The following TASP1 variants were observed in gnomAD, a reference collection of about 807,000 sequenced individuals.
TASP1 encodes taspase 1, also known as threonine aspartase 1.
Under a neutral mutation model 56.6 loss-of-function variants are expected in TASP1, and 16 were observed. That is an observed-to-expected ratio of 0.28 (90% CI 0.19 to 0.43). The LOEUF is 0.43. Ranked by LOEUF, TASP1 falls within the 20% of genes least tolerant of loss-of-function variation. TASP1 has a pLI of 1.00. For missense variants in TASP1, 393 were observed against 511.6 expected, an observed-to-expected ratio of 0.77 and a Z score of 2.24; for synonymous variants, 179 against 184.2, an observed-to-expected ratio of 0.97 and a Z score of 0.23.
chr20:13,257,376 G>A, the TASP1 span, among the ~76,000 whole-genome samples: 118 of 152,204 alleles, frequency 7.8e-4, no homozygotes, highest in African/African-American at 2.7e-3. Flanking sequence ...AATTAGCCAA[G>A]CGTGGTGGTG....
the TASP1 span, among the ~76,000 whole-genome samples, chr20:13,322,552 T>A: frequency 2.0e-5 from 3 of 152,154 alleles, no homozygotes; most frequent in Admixed American, 6.5e-5. Flanking sequence ...TCTAAACAAC[T>A]TAAGAAGATT....
At chr20:13,494,207 C>T (rs1413708959) in intron 10 of TASP1, among the ~76,000 whole-genome samples, 1 of 152,220 alleles carries the variant, frequency 6.6e-6, no homozygotes, top group African/African-American at 2.4e-5. Flanking sequence ...GGAGAACCAG[C>T]TCTGGCTGTA....
chr20:13,528,726 GA>G (rs1210571267), intron 9 of TASP1, among the ~76,000 whole-genome samples: 2 of 152,086 alleles, frequency 1.3e-5, no homozygotes, highest in African/African-American at 4.8e-5. Flanking sequence ...AAAACTTTCA[GA>G]AAATAGCAAA....
chr20:13,400,736 C>G (rs1018799743), intron 13 of TASP1, among the ~76,000 whole-genome samples: 5 of 152,158 alleles, frequency 3.3e-5, no homozygotes, highest in African/African-American at 1.2e-4. Flanking sequence ...ATAGAGAGAA[C>G]AGCGCAACCA....
intron 11 of TASP1, among the ~76,000 whole-genome samples, chr20:13,462,111 A>C (rs2044075761): frequency 1.3e-5 from 2 of 152,114 alleles, no homozygotes; most frequent in Non-Finnish European, 2.9e-5. Context: ...AAAAAAATAA[A>C]TCTCTCTGGT....
intron 11 of TASP1, among the ~76,000 whole-genome samples, chr20:13,464,465 T>A (rs2044171728): frequency 6.6e-6 from 1 of 152,166 alleles, no homozygotes; most frequent in African/African-American, 2.4e-5. Context: ...TGGTACTTTG[T>A]TATGGTAGCC....
the TASP1 span, among the ~76,000 whole-genome samples, chr20:13,111,715 G>T: frequency 6.6e-6 from 1 of 152,168 alleles, no homozygotes; most frequent in Non-Finnish European, 1.5e-5. Context: ...GCCTAGATTC[G>T]TGGGAACACA....
the TASP1 span, among the ~76,000 whole-genome samples, chr20:13,275,926 G>T: frequency 2.6e-5 from 4 of 152,320 alleles, no homozygotes; most frequent in South Asian, 8.3e-4. Context: ...AGTCTAAGTT[G>T]TGTAGAAGGG....
chr20:13,584,340 T>C (rs1236219049), intron 5 of TASP1, among the ~76,000 whole-genome samples: 1 of 152,048 alleles, frequency 6.6e-6, no homozygotes, highest in African/African-American at 2.4e-5. Context: ...AAAGAGAAAG[T>C]AGTAAGTTTG....
At chr20:13,459,682 C>G (rs1005819238) in intron 11 of TASP1, among the ~76,000 whole-genome samples, 6 of 152,068 alleles carry the variant, frequency 3.9e-5, no homozygotes, top group African/African-American at 1.4e-4. Context: ...TCCATGGGAA[C>G]TCTGCTGCTG....
the TASP1 span, among the ~76,000 whole-genome samples, chr20:13,365,381 A>G: frequency 6.6e-6 from 1 of 152,230 alleles, no homozygotes; most frequent in Non-Finnish European, 1.5e-5. Flanking sequence ...GAGCACCAAA[A>G]AAAGATAATA....
the TASP1 span, among the ~76,000 whole-genome samples, chr20:13,185,842 C>T: frequency 6.6e-6 from 1 of 152,178 alleles, no homozygotes; most frequent in Non-Finnish European, 1.5e-5. Context: ...TCTCAGCTCT[C>T]ACATGTAATG....
chr20:13,322,044 C>T, the TASP1 span, among the ~76,000 whole-genome samples: 3 of 152,226 alleles, frequency 2.0e-5, no homozygotes, highest in South Asian at 2.1e-4. Context: ...GCATGTGTAT[C>T]GCTTAAAATA....
At chr20:13,326,564 A>C in the TASP1 span, among the ~76,000 whole-genome samples, 1 of 152,064 alleles carries the variant, frequency 6.6e-6, no homozygotes, top group African/African-American at 2.4e-5. Flanking sequence ...TAATAGGTAT[A>C]TAGTGGTATC....
the TASP1 span, among the ~76,000 whole-genome samples, chr20:13,286,031 G>A: frequency 2.0e-5 from 3 of 152,174 alleles, no homozygotes; most frequent in East Asian, 3.9e-4. Context: ...CACAGGTGAT[G>A]CAAACTCTAC....
the TASP1 span, among the ~76,000 whole-genome samples, chr20:13,150,932 T>C: frequency 6.6e-6 from 1 of 152,200 alleles, no homozygotes; most frequent in Non-Finnish European, 1.5e-5. Flanking sequence ...TTTGGTCCAG[T>C]CTCCCTCTTA....
chr20:13,599,647 G>A (rs751645281), intron 4 of TASP1, among the ~76,000 whole-genome samples: 1 of 151,854 alleles, frequency 6.6e-6, no homozygotes, highest in Non-Finnish European at 1.5e-5. Context: ...TGCACGTCGT[G>A]TACATCTACC....
the TASP1 span, among the ~76,000 whole-genome samples, chr20:13,120,980 C>A: frequency 6.6e-6 from 1 of 152,248 alleles, no homozygotes; most frequent in Non-Finnish European, 1.5e-5. Flanking sequence ...ATCACTACTT[C>A]TCTCCACCTG....
the TASP1 span, among the ~76,000 whole-genome samples, chr20:13,256,054 T>G: frequency 6.6e-6 from 1 of 151,808 alleles, no homozygotes; most frequent in Non-Finnish European, 1.5e-5. Flanking sequence ...GGCTGGGAGT[T>G]CGAAACCCTG....
Sources: allele counts gnomAD v4.1 joint callset (sites outside exome capture counted in the v4.1 genomes callset), GRCh38; gene constraint gnomAD v4.1.1; transcripts MANE v1.5; gene names NCBI Gene and HGNC (gene_info 2026-07-23, HGNC 2026-07-21).